Variants in TIAM1 observed in about 807,000 individuals in gnomAD.
The protein encoded by TIAM1 is TIAM Rac1 associated GEF 1.
In TIAM1, 65 loss-of-function variants were observed where a neutral mutation model predicts 163.5. The ratio of observed to expected loss-of-function variants is 0.40; its 90% CI spans 0.33 to 0.49. The LOEUF (loss-of-function observed/expected upper bound fraction) is 0.49, where lower values mean the gene tolerates loss of function less well. Ranked by LOEUF, TIAM1 falls within the 20% of genes least tolerant of loss-of-function variation. The pLI is 0.77. For missense variants in TIAM1, 1,789 were observed against 2,044.7 expected (o/e 0.87, Z 2.41); for synonymous variants, 833 against 810.1 (o/e 1.03, Z -0.48).
rs181606522 is a variant in TIAM1 at position 31,215,646 on chromosome 21, T to C, written c.2142+1907A>G. On this transcript the variant is annotated intron_variant, in intron 9 of 27. Coordinates refer to ENST00000541036, the MANE Select transcript of TIAM1 (RefSeq NM_001353694.2). ...TTTTGCAGGTTTTAACTGAGAACCA[T>C]CAAGTCTCTTTTGTTATTTTTCTGA... Among the ~76,000 whole-genome samples the C allele has an allele frequency of 8.0e-5, 12 of 150,808 alleles. No individual in the cohort carries two copies. In the East Asian group the frequency reaches 1.4e-3, roughly 17 times the overall value.
chr21:31,239,844 A>C (rs2071076102), intron 6 of TIAM1, among the ~76,000 whole-genome samples: 1 of 152,226 alleles, frequency 6.6e-6, no homozygotes, highest in Non-Finnish European at 1.5e-5. Flanking sequence ...CAAGTTTGCA[A>C]AGATGAGGAA....
chr21:31,472,872 C>T (rs1400517529), intron 1 of TIAM1, among the ~76,000 whole-genome samples: 2 of 152,200 alleles, frequency 1.3e-5, no homozygotes, highest in Non-Finnish European at 2.9e-5. Context: ...GCATGGCGTA[C>T]GCATCAGAAA....
rs548941775 is a variant in TIAM1 at position 31,480,315 on chromosome 21, T to C, written c.-421-16280A>G. ...GCAGTGTAGTGTGTCACTGGCCCAC[T>C]TTGTTTATTTCTTTGCTACTCAATG... is the stretch of plus-strand genomic sequence containing the variant. On this transcript the variant is annotated intron_variant, in intron 1 of 28. Coordinates refer to the TIAM1 transcript ENST00000286827. Among the ~76,000 whole-genome samples, 4 of 152,356 alleles carry C rather than the reference T, an allele frequency of 2.6e-5. No homozygotes were observed. The South Asian group carries it at 8.3e-4, about 32-fold the overall frequency.
rs2085089358 is a variant in TIAM1 at position 31,182,658 on chromosome 21, G to A, written c.2663-13C>T. 1 of 1,604,752 alleles carries A rather than the reference G, an allele frequency of 6.2e-7. No individual in the cohort carries two copies. Among genetic ancestry groups the A allele is most frequent in the Non-Finnish European group, 8.5e-7 (1 of 1,175,770 alleles). On this transcript the variant is annotated splice_polypyrimidine_tract_variant and intron_variant, in intron 14 of 27. Transcript: ENST00000541036. ...CCTGCTTTCAGGCCTGCCAACGCAA[G>A]ATGGAAAATTTTTAATTTCACACAC... is the stretch of plus-strand genomic sequence containing the variant.
chr21:31,489,902 T>C (rs544714547), intron 1 of TIAM1, among the ~76,000 whole-genome samples: 26 of 152,260 alleles, frequency 1.7e-4, no homozygotes, highest in African/African-American at 4.8e-4. Flanking sequence ...ATCATTACAA[T>C]TGTCTTTCAG....
At chr21:31,177,672 T>A (rs1414700249) in intron 15 of TIAM1, among the ~76,000 whole-genome samples, 3 of 152,182 alleles carry the variant, frequency 2.0e-5, no homozygotes, top group African/African-American at 7.2e-5. Context: ...CAGGCCCTAA[T>A]CTTCGCCACT....
chr21:31,172,334 T>C (rs1425080826), intron 15 of TIAM1, among the ~76,000 whole-genome samples: 2 of 150,978 alleles, frequency 1.3e-5, no homozygotes, highest in Non-Finnish European at 2.9e-5. Context: ...ACAAACAGAG[T>C]TTTGCAATTT....
chr21:31,431,121 T>G (rs941569443), intron 2 of TIAM1, among the ~76,000 whole-genome samples: 1 of 152,188 alleles, frequency 6.6e-6, no homozygotes, highest in African/African-American at 2.4e-5. Context: ...AATGCTTTCC[T>G]TCTCCCCCTT....
chr21:31,212,374 C>T (rs2086927368), intron 10 of TIAM1, among the ~76,000 whole-genome samples: 1 of 152,078 alleles, frequency 6.6e-6, no homozygotes, highest in South Asian at 2.1e-4. Flanking sequence ...GCCCAAGAAC[C>T]AGAGGATCCC....
chr21:31,234,436 A>T (rs951318374), intron 6 of TIAM1, among the ~76,000 whole-genome samples: 119 of 147,588 alleles, frequency 8.1e-4, no homozygotes, highest in African/African-American at 2.8e-3. Flanking sequence ...TTTAGGAATT[A>T]AAAAAAAATA....
At chr21:31,338,107 A>C (rs2075903106) in intron 2 of TIAM1, among the ~76,000 whole-genome samples, 1 of 152,128 alleles carries the variant, frequency 6.6e-6, no homozygotes, top group East Asian at 1.9e-4. Context: ...CTTGAAAGAA[A>C]GGTTTCTCCA....
At chr21:31,158,863 A>G (rs16987852) in intron 16 of TIAM1, among the ~76,000 whole-genome samples, 5,747 of 152,212 alleles carry the variant, frequency 0.038, 374 homozygotes, top group African/African-American at 0.13. Context: ...GATGTGGAAT[A>G]TAGGAGGAGT....
chr21:31,210,795 AAAGAAAGAAAGAAAGAAAG>A (rs1251687252), intron 10 of TIAM1, among the ~76,000 whole-genome samples: 3 of 148,396 alleles, frequency 2.0e-5, no homozygotes, highest in African/African-American at 7.8e-5. Context: ...AGAAAGAAAG[AAAGAAAGAAAGAAAGAAAG>A]GTCACCATTC....
intron 1 of TIAM1, among the ~76,000 whole-genome samples, chr21:31,472,834 A>C (rs1027297748): frequency 6.6e-6 from 1 of 152,272 alleles, no homozygotes; most frequent in Non-Finnish European, 1.5e-5. Flanking sequence ...AAGGATTAAT[A>C]TAAGCAGAAT....
intron 2 of TIAM1, among the ~76,000 whole-genome samples, chr21:31,462,828 C>A (rs529276585): frequency 6.6e-6 from 1 of 151,856 alleles, no homozygotes; most frequent in Non-Finnish European, 1.5e-5. Flanking sequence ...CTGCAACCTC[C>A]GCCTCCCAGG....
At chr21:31,451,718 C>CGTGTGTGCGTGT (rs1555985542) in intron 2 of TIAM1, among the ~76,000 whole-genome samples, 3 of 142,166 alleles carry the variant, frequency 2.1e-5, no homozygotes, top group Non-Finnish European at 4.6e-5. Context: ...CATGTGTGTG[C>CGTGTGTGCGTGT]GTGTGTGTGT....
intron 14 of TIAM1, among the ~76,000 whole-genome samples, chr21:31,185,514 TA>T (rs1420230909): frequency 4.2e-5 from 6 of 143,058 alleles, no homozygotes; most frequent in East Asian, 3.9e-4. Flanking sequence ...TATTTATATA[TA>T]ATATGCTAAT....
Position 31,298,919 on chromosome 21 carries a change from T to G in TIAM1, c.-188-22011A>C, listed in dbSNP as rs1348732029. 2.0e-5 allele frequency among the ~76,000 whole-genome samples: 3 copies of G among 151,430 alleles called. No homozygotes were observed. The East Asian group carries it at 5.8e-4, about 29-fold the overall frequency. On this transcript the variant is annotated intron_variant, in intron 2 of 27. Coordinates refer to ENST00000541036, the MANE Select transcript of TIAM1 (RefSeq NM_001353694.2). ...TTTTCACAGGCCTGCTACAAATGAG[T>G]CAGAGAAAGAAGCAAATATATCACT...
chr21:31,487,038 C>T (rs530936870), intron 1 of TIAM1, among the ~76,000 whole-genome samples: 11 of 152,306 alleles, frequency 7.2e-5, no homozygotes, highest in African/African-American at 2.6e-4. Context: ...AAAGGAGGCA[C>T]TGGAGGTCAC....
Sources: gnomAD v4.1 joint callset for allele counts (sites outside exome capture counted in the v4.1 genomes callset) on GRCh38, gnomAD v4.1.1 for gene constraint, MANE v1.5 for transcripts, NCBI Gene and HGNC (gene_info 2026-07-23, HGNC 2026-07-21) for gene names.